The following CDH18 variants were observed in gnomAD, a reference collection of about 807,000 sequenced individuals.
CDH18 encodes cadherin-18.
CDH18 carries 31 observed loss-of-function variants against 67.9 expected under a neutral mutation model. The ratio of observed to expected loss-of-function variants is 0.46; its 90% CI spans 0.34 to 0.62. The LOEUF (loss-of-function observed/expected upper bound fraction) is 0.62, where lower values mean the gene tolerates loss of function less well. Among genes scored for constraint, CDH18 ranks in the 20% least tolerant of loss-of-function variants. The pLI is 0.01. For missense variants in CDH18, 890 were observed against 975.5 expected (o/e 0.91, Z 1.17); for synonymous variants, 362 against 347.2 (o/e 1.04, Z -0.48).
At chr5:19,794,139 G>A (rs1776627103) in intron 3 of CDH18, among the ~76,000 whole-genome samples, 1 of 152,100 alleles carries the variant, frequency 6.6e-6, no homozygotes, top group Non-Finnish European at 1.5e-5. Context: ...ATTGCATCAT[G>A]AAATATAACT....
intron 7 of CDH18, among the ~76,000 whole-genome samples, chr5:19,575,201 C>T (rs1580294792): frequency 6.6e-6 from 1 of 152,120 alleles, no homozygotes; most frequent in African/African-American, 2.4e-5. Flanking sequence ...TCATTTATCA[C>T]AAGAAACATA....
chr5:20,151,549 TGAGAAACATCTAA>T (rs1751106169), intron 2 of CDH18, among the ~76,000 whole-genome samples: 1 of 152,132 alleles, frequency 6.6e-6, no homozygotes, highest in South Asian at 2.1e-4. Context: ...TTAAGTTATT[TGAGAAACATCTAA>T]ACTGCTTTCC....
chr5:19,943,503 T>A (rs1394194446), intron 2 of CDH18, among the ~76,000 whole-genome samples: 2 of 152,172 alleles, frequency 1.3e-5, no homozygotes, highest in Non-Finnish European at 2.9e-5. Flanking sequence ...TAAACTGAGA[T>A]GTGATTTAAA....
At chr5:19,990,976 C>G (rs989002326), upstream of CDH18, among the ~76,000 whole-genome samples, 1 of 152,182 alleles carries the variant, frequency 6.6e-6, no homozygotes, top group Non-Finnish European at 1.5e-5. Flanking sequence ...ATTTCTGATA[C>G]TGAATTCCCA....
intron 3 of CDH18, among the ~76,000 whole-genome samples, chr5:19,838,494 C>A (rs1479998883): frequency 6.6e-6 from 1 of 152,004 alleles, no homozygotes; most frequent in Non-Finnish European, 1.5e-5. Context: ...CAAGAGAGAA[C>A]AGAAAAAGTA....
At chr5:19,894,056 A>G (rs1241509144) in intron 2 of CDH18, among the ~76,000 whole-genome samples, 1 of 152,100 alleles carries the variant, frequency 6.6e-6, no homozygotes, top group Non-Finnish European at 1.5e-5. Flanking sequence ...GTACTGATTG[A>G]AAAGTAAGAG....
At chr5:19,556,242 G>C (rs917944575) in intron 8 of CDH18, among the ~76,000 whole-genome samples, 1 of 152,032 alleles carries the variant, frequency 6.6e-6, no homozygotes, top group African/African-American at 2.4e-5. Flanking sequence ...GATCACACTA[G>C]ATTATCAGCA....
intron 1 of CDH18, among the ~76,000 whole-genome samples, chr5:20,497,745 G>A (rs1753996613): frequency 6.6e-6 from 1 of 152,086 alleles, no homozygotes; most frequent in Non-Finnish European, 1.5e-5. Context: ...ACCCTCATGA[G>A]AAAATATCTT....
chr5:19,710,795 A>G (rs371402082), intron 5 of CDH18, among the ~76,000 whole-genome samples: 345 of 152,242 alleles, frequency 2.3e-3, no homozygotes, highest in Middle Eastern at 3.4e-3. Context: ...TAGGCCTTCA[A>G]TAAAGATAAT....
At chr5:19,506,459 T>C (rs1744180422) in intron 10 of CDH18, among the ~76,000 whole-genome samples, 2 of 152,206 alleles carry the variant, frequency 1.3e-5, no homozygotes, top group Admixed American at 6.5e-5. Flanking sequence ...AAGTCAATCC[T>C]AAGCCAAAAG....
rs149364593 is a variant in CDH18, at chr5:20,355,778, C to T, written c.-579-100273G>A. ...TATCTACATCAAGCTGAATATGCTG[C>T]AAGCCTAATATTTACATACAACTCA... On this transcript the variant is annotated intron_variant, in intron 1 of 14. Transcript: ENST00000507958. 7.9e-5 allele frequency among the ~76,000 whole-genome samples: 12 copies of T among 152,256 alleles called. No individual in the cohort carries two copies. The East Asian group carries it at 2.3e-3, about 29-fold the overall frequency.
At chr5:20,434,166 T>G (rs1321443708) in intron 1 of CDH18, among the ~76,000 whole-genome samples, 1 of 152,094 alleles carries the variant, frequency 6.6e-6, no homozygotes. Flanking sequence ...CTACATCTGA[T>G]ATTGTTACAA....
intron 3 of CDH18, among the ~76,000 whole-genome samples, chr5:19,799,130 T>C (rs1777158727): frequency 6.6e-6 from 1 of 152,046 alleles, no homozygotes; most frequent in African/African-American, 2.4e-5. Flanking sequence ...ACACTACGCT[T>C]AGCAAAATGA....
chr5:20,028,561 G>A (rs1002143956), intron 2 of CDH18, among the ~76,000 whole-genome samples: 5 of 152,088 alleles, frequency 3.3e-5, no homozygotes, highest in East Asian at 1.9e-4. Flanking sequence ...CGGTAGCCTC[G>A]ACCTTATTCA....
intron 1 of CDH18, among the ~76,000 whole-genome samples, chr5:20,376,850 C>G (rs903289092): frequency 6.6e-6 from 1 of 151,920 alleles, no homozygotes; most frequent in Non-Finnish European, 1.5e-5. Flanking sequence ...AACCCCATCT[C>G]TACTAAAAGT....
At chr5:19,738,802 A>C (rs1319947127) in intron 4 of CDH18, among the ~76,000 whole-genome samples, 2 of 152,096 alleles carry the variant, frequency 1.3e-5, no homozygotes, top group African/African-American at 4.8e-5. Flanking sequence ...TTTATACCTG[A>C]ATGACGAAAT....
chr5:20,231,309 G>T (rs1742050619), intron 2 of CDH18, among the ~76,000 whole-genome samples: 1 of 152,122 alleles, frequency 6.6e-6, no homozygotes, highest in Non-Finnish European at 1.5e-5. Flanking sequence ...AGTCACCTTA[G>T]AAATTACTGG....
intron 1 of CDH18, among the ~76,000 whole-genome samples, chr5:20,444,815 G>A (rs545472315): frequency 2.0e-5 from 3 of 147,158 alleles, no homozygotes; most frequent in East Asian, 4.0e-4. Flanking sequence ...CGTTCACTGC[G>A]ACTACATTTT....
chr5:20,045,127 C>T (rs577177888), intron 2 of CDH18, among the ~76,000 whole-genome samples: 73 of 152,174 alleles, frequency 4.8e-4, no homozygotes, highest in East Asian at 3.9e-4. Flanking sequence ...GTTCTCTGTT[C>T]GGTCTGTGAC....
Sources: allele counts gnomAD v4.1 joint callset (sites outside exome capture counted in the v4.1 genomes callset), GRCh38; gene constraint gnomAD v4.1.1; transcripts MANE v1.5; gene names NCBI Gene and HGNC (gene_info 2026-07-23, HGNC 2026-07-21).